Variants in SZRD1 observed in about 807,000 individuals in gnomAD.
SZRD1 encodes SUZ RNA binding domain containing 1, also known as SUZ RNA-binding domain-containing.
Under a neutral mutation model 17.6 loss-of-function variants are expected in SZRD1, and 7 were observed. The ratio of observed to expected loss-of-function variants is 0.40; its 90% CI spans 0.23 to 0.75. The LOEUF is 0.75. Ranked by LOEUF, SZRD1 falls within the 30% of genes least tolerant of loss-of-function variation. SZRD1 has a pLI of 0.38. For synonymous variants in SZRD1, 77 were observed against 77.9 expected, an observed-to-expected ratio of 0.99 and a Z score of 0.06; for missense variants, 178 against 201.8, an observed-to-expected ratio of 0.88 and a Z score of 0.71.
chr1:16,381,609 TA>T (rs1269970001), intron 1 of SZRD1, among the ~76,000 whole-genome samples: 1 of 149,740 alleles, frequency 6.7e-6, no homozygotes, highest in Non-Finnish European at 1.5e-5. Context: ...TAGAGAGATT[TA>T]AAAGAAGTGC....
At chr1:16,381,509 A>G (rs1232475017) in intron 1 of SZRD1, among the ~76,000 whole-genome samples, 4 of 150,652 alleles carry the variant, frequency 2.7e-5, no homozygotes, top group Non-Finnish European at 5.9e-5. Flanking sequence ...GTGAGCTGAG[A>G]TCGTGCCATT....
In SZRD1 at chr1:16,395,176, C is replaced by T; in HGVS notation, c.*36C>T. 1 of 1,489,916 alleles carries T rather than the reference C, an allele frequency of 6.7e-7. No homozygotes were observed. Among genetic ancestry groups the T allele is most frequent in the Non-Finnish European group, 9.4e-7 (1 of 1,067,136 alleles). 92.3% of individuals were successfully genotyped at this position (1,489,916 alleles called of 1,614,324 possible). A position where few individuals can be genotyped will look rare whatever the true frequency, so the allele number is the denominator to read the frequency against. ...GAAAAGATGCCGCCGTTGCTGCCGTCACCGCCTCCTGGGTCGTCCGCCACG... is the reference window on the plus strand; with the variant it reads ...GAAAAGATGCCGCCGTTGCTGCCGTTACCGCCTCCTGGGTCGTCCGCCACG... On this transcript the variant is annotated 3_prime_UTR_variant, in exon 4 of 4. Transcript: ENST00000401088.
In SZRD1 at chr1:16,367,291, G is replaced by C. The variant is rs1439321713; in HGVS notation, c.34G>C (p.Glu12Gln). The C allele has an allele frequency of 1.3e-6, 2 of 1,548,888 alleles. No homozygotes were observed. Among genetic ancestry groups the C allele is most frequent in the Non-Finnish European group, 1.7e-6 (2 of 1,146,662 alleles). ...EDEEVAESWE[E>Q]AADSGEIDRR... Reference sequence around the variant, plus strand: ...TGAGGAGGTCGCTGAGAGCTGGGAAGAGGCGGCAGACAGCGGGGTAAGGAG... The same window carrying C: ...TGAGGAGGTCGCTGAGAGCTGGGAACAGGCGGCAGACAGCGGGGTAAGGAG... The change falls in exon 1 of 4, where the codon GAG becomes CAG. Residue 12 changes from glutamate (E) to glutamine (Q), a missense_variant. Physicochemically the swap from Glu to Gln is conservative, Grantham distance 29. This residue lies in a region of SZRD1 where 117 missense variants were observed against 108.7 expected (regional missense o/e 1.08). Transcript: ENST00000401088.
At chr1:16,379,280 C>T (rs1251504612) in intron 1 of SZRD1, among the ~76,000 whole-genome samples, 4 of 152,122 alleles carry the variant, frequency 2.6e-5, no homozygotes, top group East Asian at 3.9e-4. Flanking sequence ...CCACCACGCC[C>T]GGCTAATTTT....
chr1:16,379,760 GT>G (rs35016930), intron 1 of SZRD1, among the ~76,000 whole-genome samples: 33,403 of 130,604 alleles, frequency 0.26, 2,652 homozygotes, highest in Non-Finnish European at 0.32. Context: ...TTGATTTGGG[GT>G]TTTTTTTTTT....
At chr1:16,373,165 G>T (rs1270451073) in intron 1 of SZRD1, among the ~76,000 whole-genome samples, 2 of 152,054 alleles carry the variant, frequency 1.3e-5, no homozygotes, top group Non-Finnish European at 2.9e-5. Flanking sequence ...GCCAGATTGG[G>T]AAAGGCTTCC....
At chr1:16,369,051 CTT>C in intron 1 of SZRD1, 1 of 252,876 alleles carries the variant, frequency 4.0e-6, no homozygotes, top group Non-Finnish European at 7.4e-6. Context: ...GATTTAGAGA[CTT>C]AGGTCTTTCT....
At chr1:16,376,802 T>C (rs1570007436) in intron 1 of SZRD1, among the ~76,000 whole-genome samples, 1 of 112,922 alleles carries the variant, frequency 8.9e-6, no homozygotes, top group East Asian at 3.5e-4. Context: ...CGAGACTCTG[T>C]CTCAAAAAAA....
At chr1:16,370,768 C>G (rs1479560915) in intron 1 of SZRD1, among the ~76,000 whole-genome samples, 1 of 152,174 alleles carries the variant, frequency 6.6e-6, no homozygotes, top group Non-Finnish European at 1.5e-5. Flanking sequence ...TCCCAGAGTT[C>G]TGGGATTATA....
At chr1:16,376,972 CG>C (rs1264818998) in intron 1 of SZRD1, among the ~76,000 whole-genome samples, 1 of 152,044 alleles carries the variant, frequency 6.6e-6, no homozygotes, top group Non-Finnish European at 1.5e-5. Flanking sequence ...TGCACCTAGC[CG>C]GCAGGATTTT....
At chr1:16,377,790 G>A (rs913229142) in intron 1 of SZRD1, among the ~76,000 whole-genome samples, 4 of 152,094 alleles carry the variant, frequency 2.6e-5, no homozygotes, top group East Asian at 1.9e-4. Flanking sequence ...TTAGTAAAGC[G>A]TCATTCACAG....
intron 1 of SZRD1, among the ~76,000 whole-genome samples, chr1:16,382,051 T>C (rs577073814): frequency 1.3e-5 from 2 of 152,206 alleles, no homozygotes; most frequent in Non-Finnish European, 2.9e-5. Flanking sequence ...GTGGTGGCCA[T>C]GCTTGATAGG....
intron 1 of SZRD1, among the ~76,000 whole-genome samples, chr1:16,383,043 T>G (rs1270558087): frequency 1.3e-5 from 2 of 152,052 alleles, no homozygotes; most frequent in Middle Eastern, 6.8e-3. Context: ...TTTTTGTATT[T>G]TTAGAAGGGA....
intron 1 of SZRD1, chr1:16,387,700 G>A (rs1250487572): frequency 2.2e-6 from 1 of 456,578 alleles, no homozygotes; most frequent in Non-Finnish European, 4.4e-6. Flanking sequence ...TTATGATGGA[G>A]AAACTCGAAT....
At chr1:16,367,597 C>G in intron 1 of SZRD1, 1 of 491,306 alleles carries the variant, frequency 2.0e-6, no homozygotes, top group Non-Finnish European at 3.6e-6. Flanking sequence ...CCCCCGCGCC[C>G]ACTTGCTGGC....
Position 16,376,751 on chromosome 1 carries a change from A to C in SZRD1, c.51+9443A>C, listed in dbSNP as rs150857194. 9.2e-3 allele frequency among the ~76,000 whole-genome samples: 1,335 copies of C among 145,884 alleles called. 17 individuals are homozygous for C. Among genetic ancestry groups the C allele is most frequent in the African/African-American group, 0.032 (1,280 of 39,696 alleles). On this transcript the variant is annotated intron_variant, in intron 1 of 3. Transcript: ENST00000401088. The stretch of plus-strand genomic sequence containing the variant: ...AACTTGGGAGGCAGAGGTTGCAATG[A>C]GCTGAGATTGTGTCACTGCACTCCA...
At chr1:16,369,137 A>G (rs1488172090) in intron 1 of SZRD1, 2 of 422,396 alleles carry the variant, frequency 4.7e-6, no homozygotes, top group African/African-American at 2.1e-5. Context: ...AAAATATTCC[A>G]GATAAATGAA....
Position 16,379,307 on chromosome 1 carries a change from C to T in SZRD1, c.51+11999C>T, listed in dbSNP as rs528639154. Among the ~76,000 whole-genome samples the T allele has an allele frequency of 4.1e-4, 62 of 151,558 alleles. 2 individuals are homozygous for T. The South Asian group carries it at 0.012, about 30-fold the overall frequency. ...GCTAATTTTTTGTTTTTAGTAGAGA[C>T]GGGGTTTTACCATGTTAGCCAGAAT... On this transcript the variant is annotated intron_variant, in intron 1 of 3. Transcript: ENST00000401088.
chr1:16,378,663 AACCTGGGCTTGCACTG>A (rs1459770374), intron 1 of SZRD1, among the ~76,000 whole-genome samples: 1 of 152,040 alleles, frequency 6.6e-6, no homozygotes, highest in African/African-American at 2.4e-5. Flanking sequence ...GGCCTTAGGA[AACCTGGGCTTGCACTG>A]ACCTGGCCTG....
Sources: allele counts gnomAD v4.1 joint callset (sites outside exome capture counted in the v4.1 genomes callset), GRCh38; gene constraint gnomAD v4.1.1; regional missense constraint gnomAD v4.1.1; transcripts MANE v1.5; gene names NCBI Gene and HGNC (gene_info 2026-07-23, HGNC 2026-07-21).